The following GRHL3 variants were observed in gnomAD, a reference collection of about 807,000 sequenced individuals.
The protein encoded by GRHL3 is grainyhead like transcription factor 3, also known as grainyhead-like protein 3 homolog.
Under a neutral mutation model 70.3 loss-of-function variants are expected in GRHL3, and 20 were observed. That is an observed-to-expected ratio of 0.28 (90% CI 0.20 to 0.41). The LOEUF is 0.41. GRHL3 is among the 10% of genes least tolerant of loss of function. GRHL3 has a pLI of 1.00. For missense variants in GRHL3, 637 were observed against 762.3 expected (o/e 0.84, Z 1.94); for synonymous variants, 299 against 299.9 (o/e 1.00, Z 0.03).
chr1:24,348,290 C>T (rs892412746), intron 14 of GRHL3, among the ~76,000 whole-genome samples: 5 of 152,200 alleles, frequency 3.3e-5, no homozygotes, highest in Non-Finnish European at 7.3e-5. Flanking sequence ...CCTTAACAAC[C>T]CTGAAAAGTG....
chr1:24,356,210 C>CT (rs1640712764), downstream of GRHL3, among the ~76,000 whole-genome samples: 1 of 146,298 alleles, frequency 6.8e-6, no homozygotes, highest in South Asian at 2.2e-4. Context: ...GTTTTTGTCT[C>CT]TTTTAGATCA....
intron 15 of GRHL3, among the ~76,000 whole-genome samples, chr1:24,353,039 CCTTCT>C: frequency 6.6e-6 from 1 of 152,352 alleles, no homozygotes; most frequent in African/African-American, 2.4e-5. Flanking sequence ...ATTTTGCCTT[CCTTCT>C]ATCTGCTGCT....
At position 24,337,085 on chromosome 1, in the gene GRHL3, T is replaced by C. The variant is rs1439857250; in HGVS notation, c.620T>C (p.Leu207Pro). The change falls in exon 5 of 16, where the codon CTC becomes CCC. Residue 207 changes from leucine to proline, a missense_variant. Around this residue, in one of 2 missense-constraint regions of GRHL3, gnomAD observed 387 missense variants for 513.8 expected, o/e 0.75. Transcript: ENST00000361548. ...GGCTGTGTTTCTCTGCAGTCGATGC[T>C]CTTCCCAGATATCCTGAAAACCTCC... ...TFKDDPQESMLFPDILKTSPE... is the reference protein window; with the variant it reads ...TFKDDPQESMPFPDILKTSPE... The C allele has an allele frequency of 6.2e-7, 1 of 1,613,870 alleles. No individual in the cohort carries two copies. Among genetic ancestry groups the C allele is most frequent in the Non-Finnish European group, 8.5e-7 (1 of 1,179,900 alleles).
chr1:24,328,174 G>A (rs1218629278), intron 1 of GRHL3, among the ~76,000 whole-genome samples: 1 of 152,212 alleles, frequency 6.6e-6, no homozygotes, highest in Non-Finnish European at 1.5e-5. Context: ...ATCTAGAAAA[G>A]AGACTAGCAC....
chr1:24,354,728 C>T lies in GRHL3; in HGVS notation c.*240C>T, dbSNP rs1489207764. 2.3e-6 allele frequency: 1 copy of T among 431,744 alleles called. No homozygotes were observed. The highest frequency in any genetic ancestry group is 4.2e-6 in the Non-Finnish European group (1 of 235,434). 26.7% of individuals were successfully genotyped at this position (431,744 alleles called of 1,614,324 possible). ...CCCTGAACTTCCTGCCAGTGCCTCC[C>T]CGTACCCCAAAACAATGTCACCATG... On this transcript the variant is annotated 3_prime_UTR_variant, in exon 16 of 16. Coordinates refer to ENST00000361548, the MANE Select transcript of GRHL3 (RefSeq NM_198173.3).
chr1:24,342,724 C>A lies in GRHL3; in HGVS notation c.1237C>A (p.Arg413=). 6.2e-7 allele frequency: 1 copy of A among 1,614,186 alleles called. No individual in the cohort carries two copies. The highest frequency in any genetic ancestry group is 8.5e-7 in the Non-Finnish European group (1 of 1,180,032). The stretch of plus-strand genomic sequence containing the variant: ...TGAGAGGAAGATGCGCGATGACGAG[C>A]GGAAGCAGTTCCGGAGGAAGGTCAA... ...GAERKMRDDE[R]KQFRRKVKCP... Residue 413 remains arginine, a synonymous_variant, in exon 10 of 16, where the codon CGG becomes AGG. Coordinates refer to ENST00000361548, the MANE Select transcript of GRHL3 (RefSeq NM_198173.3). This position sits in a 1 kb window ranked among gnomAD's most constrained non-coding sequence, Gnocchi z 4.8.
chr1:24,343,601 C>T (rs3887582), intron 11 of GRHL3, among the ~76,000 whole-genome samples: 36,625 of 152,016 alleles, frequency 0.24, 5,156 homozygotes, highest in East Asian at 0.43. Flanking sequence ...CGGGACTGAG[C>T]GCCTGGCAGC....
chr1:24,343,037 G>A lies in GRHL3; in HGVS notation c.1419+12G>A, dbSNP rs762680740. 4.2e-5 allele frequency: 68 copies of A among 1,613,894 alleles called. No individual in the cohort carries two copies. Among genetic ancestry groups the A allele is most frequent in the Admixed American group, 6.7e-5 (4 of 60,006 alleles). ...AGCGCTCTGGAGGGGTGAGGCCAGG[G>A]CTGGGGTCTCGGGAAGGAGCCGAGA... On this transcript the variant is annotated intron_variant, in intron 11 of 15. Coordinates refer to ENST00000361548, the MANE Select transcript of GRHL3 (RefSeq NM_198173.3).
intron 1 of GRHL3, among the ~76,000 whole-genome samples, chr1:24,326,378 CA>C (rs1639389837): frequency 1.3e-5 from 2 of 151,346 alleles, no homozygotes; most frequent in South Asian, 2.1e-4. Context: ...TCTTCTCCTC[CA>C]CCCCTCTTCT....
intron 12 of GRHL3, among the ~76,000 whole-genome samples, chr1:24,345,796 A>T (rs1346259812): frequency 2.0e-5 from 3 of 152,238 alleles, no homozygotes; most frequent in Non-Finnish European, 4.4e-5. Context: ...CATTTGTCAG[A>T]TGAGGAAAAC....
intron 1 of GRHL3, among the ~76,000 whole-genome samples, chr1:24,330,528 T>G (rs1322360064): frequency 6.6e-6 from 1 of 152,268 alleles, no homozygotes. Flanking sequence ...CATGGTAATT[T>G]ATGAAATGTG....
chr1:24,328,576 G>C (rs1372092290), intron 1 of GRHL3, among the ~76,000 whole-genome samples: 1 of 152,204 alleles, frequency 6.6e-6, no homozygotes, highest in South Asian at 2.1e-4. Context: ...CTTTTTTAAA[G>C]GGTAAGGTAA....
rs35868286 is a variant in GRHL3, at chr1:24,336,722, T to C, written c.507T>C (p.Asp169=). Residue 169 remains aspartate (D), a synonymous_variant, in exon 4 of 16, where the codon GAT becomes GAC. Coordinates refer to ENST00000361548, the MANE Select transcript of GRHL3 (RefSeq NM_198173.3). ...SVDSYLLPTT[D]MYDNGSLNSL... ...ACAGCTACCTGTTACCCACCACTGA[T>C]ATGTATGATAATGGCTCCCTCAACT... 867 of 1,614,138 alleles carry C rather than the reference T, an allele frequency of 5.4e-4. 2 individuals are homozygous for C. In the African/African-American group the frequency reaches 0.01, roughly 19 times the overall value.
rs1244662723 is a variant in GRHL3 at position 24,343,192 on chromosome 1, A to G, written c.1419+167A>G. 10 of 662,602 alleles carry G rather than the reference A, an allele frequency of 1.5e-5. No individual in the cohort carries two copies. In the Admixed American group the frequency reaches 2.5e-4, roughly 17 times the overall value. The allele number at this position is 662,602 out of a possible 1,614,324, so 41.0% of individuals were successfully genotyped here. ...CATGTATATATGGTCCTATAGCTTC[A>G]GTGACCTATTGTATTGAAGAGAAGA... On this transcript the variant is annotated intron_variant, in intron 11 of 15. Coordinates refer to ENST00000361548, the MANE Select transcript of GRHL3 (RefSeq NM_198173.3).
intron 5 of GRHL3, 87 bp from the exon 6 acceptor site, chr1:24,337,549 A>C: frequency 7.2e-7 from 1 of 1,385,298 alleles, no homozygotes; most frequent in Non-Finnish European, 1.0e-6. Context: ...AGTCTGTAAC[A>C]TAGCCTCAGG....
At chr1:24,364,054 A>G (rs1641291450) in intron 15 of GRHL3, 2 of 1,318,884 alleles carry the variant, frequency 1.5e-6, no homozygotes, top group East Asian at 5.8e-5. Context: ...CTTCCGTTTT[A>G]CCTTCCAGAA....
rs138585648 is a variant in GRHL3, at chr1:24,334,370, C to T, written c.205-275C>T. Among the ~76,000 whole-genome samples, 4 of 152,112 alleles carry T rather than the reference C, an allele frequency of 2.6e-5. No homozygotes were observed. Among genetic ancestry groups the T allele is most frequent in the East Asian group, 1.9e-4 (1 of 5,184 alleles). ...GGCGGCAGCAAGGAAAAGTCCCGAG[C>T]GAAAGGGAGAAAGCCCTCTTATAAA... On this transcript the variant is annotated intron_variant, in intron 2 of 15. Transcript: ENST00000361548. This position sits in a 1 kb window ranked among gnomAD's most constrained non-coding sequence, Gnocchi z 4.3.
chr1:24,323,779 C>G (rs189725583), intron 1 of GRHL3, among the ~76,000 whole-genome samples: 1 of 152,234 alleles, frequency 6.6e-6, no homozygotes, highest in South Asian at 2.1e-4. Flanking sequence ...CTGCCTCCCC[C>G]TCTCTATTCC....
chr1:24,328,532 C>T (rs1011833918), intron 1 of GRHL3, among the ~76,000 whole-genome samples: 24 of 152,210 alleles, frequency 1.6e-4, no homozygotes, highest in African/African-American at 5.8e-4. Flanking sequence ...TCTTTTGTTT[C>T]GGTGTCACTT....
Sources: allele counts gnomAD v4.1 joint callset (sites outside exome capture counted in the v4.1 genomes callset), GRCh38; gene constraint gnomAD v4.1.1; regional missense constraint gnomAD v4.1.1; non-coding constraint Gnocchi (gnomAD v3.1); transcripts MANE v1.5; gene names NCBI Gene and HGNC (gene_info 2026-07-23, HGNC 2026-07-21).